The following PRKG1 variants were observed in gnomAD, a reference collection of about 807,000 sequenced individuals.
The protein encoded by PRKG1 is cGMP-dependent protein kinase 1.
In PRKG1, 35 loss-of-function variants were observed where a neutral mutation model predicts 88.1. That is an observed-to-expected ratio of 0.40 (90% CI 0.30 to 0.53). The LOEUF is 0.53. PRKG1 is among the 20% of genes least tolerant of loss of function. The pLI is 0.59. For synonymous variants in PRKG1, 303 were observed against 292.5 expected (o/e 1.04, Z -0.37); for missense variants, 540 against 839.8 (o/e 0.64, Z 4.41).
chr10:51,464,745 G>C (rs1387495916), intron 2 of PRKG1, among the ~76,000 whole-genome samples: 1 of 151,104 alleles, frequency 6.6e-6, no homozygotes, highest in Admixed American at 6.6e-5. Context: ...CAAAAAATTA[G>C]CCGGGCGTAG....
chr10:52,042,601 A>G (rs750088649), intron 5 of PRKG1, among the ~76,000 whole-genome samples: 1 of 152,304 alleles, frequency 6.6e-6, no homozygotes, highest in East Asian at 1.9e-4. Context: ...TAAACATAAG[A>G]CCCAAAACTA....
rs183119945 is a variant in PRKG1 at position 52,247,278 on chromosome 10, A to T, written c.1077-4292A>T. 5.6e-4 allele frequency among the ~76,000 whole-genome samples: 85 copies of T among 152,332 alleles called. 1 individual carries two copies. Among genetic ancestry groups the T allele is most frequent in the Admixed American group, 5.4e-3 (82 of 15,296 alleles). On this transcript the variant is annotated intron_variant, in intron 9 of 17. Transcript: ENST00000373980. The stretch of plus-strand genomic sequence containing the variant: ...TATTTTAAGCAACCAAATACCAGAA[A>T]CTGCATTTCTTACTAAAAGTATTTC...
At chr10:51,394,320 A>G (rs1837519383) in intron 2 of PRKG1, among the ~76,000 whole-genome samples, 1 of 152,226 alleles carries the variant, frequency 6.6e-6, no homozygotes, top group Non-Finnish European at 1.5e-5. Flanking sequence ...TGACAGTAGA[A>G]CCTAGACATG....
intron 2 of PRKG1, among the ~76,000 whole-genome samples, chr10:51,177,345 G>A (rs901103267): frequency 6.6e-6 from 1 of 152,140 alleles, no homozygotes; most frequent in African/African-American, 2.4e-5. Flanking sequence ...CCTTATGTAA[G>A]ATCTAAGTAA....
At chr10:51,428,950 A>C (rs1239859366) in intron 2 of PRKG1, among the ~76,000 whole-genome samples, 1 of 152,196 alleles carries the variant, frequency 6.6e-6, no homozygotes, top group Non-Finnish European at 1.5e-5. Flanking sequence ...ACATCCCTAT[A>C]GTTCTTAAAG....
chr10:51,696,455 C>T (rs1287898975), intron 3 of PRKG1: 3 of 151,566 alleles, frequency 2.0e-5, no homozygotes, highest in African/African-American at 7.3e-5. Flanking sequence ...ATTACTGACT[C>T]AGATTTAGGG....
chr10:51,488,859 G>A (rs932485460), intron 3 of PRKG1, among the ~76,000 whole-genome samples: 1 of 152,060 alleles, frequency 6.6e-6, no homozygotes. Context: ...CTATTCATCC[G>A]TTTCAGGTTT....
intron 1 of PRKG1, among the ~76,000 whole-genome samples, chr10:51,057,573 T>A (rs1263155128): frequency 2.0e-5 from 3 of 152,134 alleles, no homozygotes; most frequent in African/African-American, 7.2e-5. Context: ...CCAGACCCAC[T>A]TTTTTCCTCA....
At chr10:51,485,325 G>A (rs1220201782) in intron 3 of PRKG1, among the ~76,000 whole-genome samples, 1 of 152,122 alleles carries the variant, frequency 6.6e-6, no homozygotes, top group Non-Finnish European at 1.5e-5. Flanking sequence ...ATTCTTCACA[G>A]GATAAGTGAT....
At chr10:51,957,395 G>A (rs1265711476) in intron 5 of PRKG1, among the ~76,000 whole-genome samples, 1 of 151,132 alleles carries the variant, frequency 6.6e-6, no homozygotes, top group Non-Finnish European at 1.5e-5. Flanking sequence ...GGGCTCAAGT[G>A]ATCCTCCTGC....
chr10:51,407,680 C>A (rs767032275), intron 2 of PRKG1, among the ~76,000 whole-genome samples: 1 of 152,200 alleles, frequency 6.6e-6, no homozygotes, highest in Non-Finnish European at 1.5e-5. Flanking sequence ...GTGACCTAAA[C>A]CTTCATTCCT....
intron 3 of PRKG1, among the ~76,000 whole-genome samples, chr10:51,736,713 G>A (rs1019279301): frequency 5.3e-5 from 8 of 151,100 alleles, no homozygotes; most frequent in African/African-American, 2.0e-4. Context: ...GTTTCAAGCG[G>A]TCCTCCTGGA....
chr10:51,068,181 A>G (rs1421602171), intron 1 of PRKG1, among the ~76,000 whole-genome samples: 1 of 152,040 alleles, frequency 6.6e-6, no homozygotes, highest in Non-Finnish European at 1.5e-5. Flanking sequence ...AGAAAAGTGG[A>G]TTTCTGGATT....
At chr10:52,282,071 C>T in intron 13 of PRKG1, 82 bp from the exon 14 acceptor site, 4 of 1,274,032 alleles carry the variant, frequency 3.1e-6, no homozygotes, top group Non-Finnish European at 4.3e-6. Context: ...TTATTATCAT[C>T]ATCAGTGTGC....
At chr10:52,163,171 T>C (rs1272840839) in intron 9 of PRKG1, among the ~76,000 whole-genome samples, 5 of 151,986 alleles carry the variant, frequency 3.3e-5, no homozygotes, top group African/African-American at 1.2e-4. Context: ...ATTTTTTTGG[T>C]ATGTGACAAA....
intron 9 of PRKG1, among the ~76,000 whole-genome samples, chr10:52,213,428 C>T (rs1003930665): frequency 1.3e-5 from 2 of 152,158 alleles, no homozygotes; most frequent in East Asian, 3.9e-4. Flanking sequence ...ATCTTAGCTT[C>T]TTTTTAGTGA....
chr10:51,842,528 C>T (rs1840304371), intron 4 of PRKG1, among the ~76,000 whole-genome samples: 1 of 152,090 alleles, frequency 6.6e-6, no homozygotes, highest in African/African-American at 2.4e-5. Flanking sequence ...TCAGTATCAG[C>T]AAACATGTTT....
At chr10:51,595,420 G>A (rs1440539629) in intron 3 of PRKG1, among the ~76,000 whole-genome samples, 1 of 152,096 alleles carries the variant, frequency 6.6e-6, no homozygotes, top group African/African-American at 2.4e-5. Context: ...CTTGAGGTCA[G>A]GAGTTCAAGA....
At chr10:51,280,303 T>C (rs1048889317) in intron 2 of PRKG1, among the ~76,000 whole-genome samples, 8 of 152,190 alleles carry the variant, frequency 5.3e-5, no homozygotes, top group African/African-American at 1.9e-4. Flanking sequence ...GCCCTTAACA[T>C]TTTTTCCTTC....
Sources: gnomAD v4.1 joint callset for allele counts (sites outside exome capture counted in the v4.1 genomes callset) on GRCh38, gnomAD v4.1.1 for gene constraint, MANE v1.5 for transcripts, NCBI Gene and HGNC (gene_info 2026-07-23, HGNC 2026-07-21) for gene names.